Variants in SLIT3 observed in about 807,000 individuals in gnomAD.
SLIT3 encodes the protein slit guidance ligand 3.
A neutral mutation model predicts 184.0 loss-of-function variants in SLIT3; 68 were observed. The observed-to-expected ratio is 0.37, with a 90% CI of 0.30 to 0.45. The LOEUF (loss-of-function observed/expected upper bound fraction) is 0.45. Ranked by LOEUF, SLIT3 falls within the 20% of genes least tolerant of loss-of-function variation. The pLI, the probability that SLIT3 is intolerant of heterozygous loss-of-function variation, is 1.00. For synonymous variants in SLIT3, 831 were observed against 828.6 expected, an observed-to-expected ratio of 1.00 and a Z score of -0.05; for missense variants, 1,707 against 2,026.0, an observed-to-expected ratio of 0.84 and a Z score of 3.02.
intron 9 of SLIT3, among the ~76,000 whole-genome samples, chr5:168,801,719 A>C (rs1420123475): frequency 1.3e-5 from 2 of 152,230 alleles, no homozygotes; most frequent in East Asian, 3.8e-4. Flanking sequence ...TGGAAGCCAG[A>C]GCTGGTTCAG....
At chr5:169,123,727 A>C (rs1052752794) in intron 4 of SLIT3, among the ~76,000 whole-genome samples, 2 of 152,206 alleles carry the variant, frequency 1.3e-5, no homozygotes, top group African/African-American at 2.4e-5. Context: ...TATGATCCTG[A>C]AGACAAGGCA....
At chr5:169,286,655 C>A (rs1239444031) in intron 1 of SLIT3, among the ~76,000 whole-genome samples, 1 of 152,178 alleles carries the variant, frequency 6.6e-6, no homozygotes, top group Non-Finnish European at 1.5e-5. Flanking sequence ...CCCAGGCAAG[C>A]ATTCTTTCCA....
chr5:168,689,420 G>A (rs1761843779), intron 29 of SLIT3, among the ~76,000 whole-genome samples: 1 of 152,236 alleles, frequency 6.6e-6, no homozygotes, highest in African/African-American at 2.4e-5. Flanking sequence ...GACATCTGGA[G>A]TCTCTGGATT....
intron 4 of SLIT3, among the ~76,000 whole-genome samples, chr5:169,099,215 T>C (rs1448756375): frequency 6.6e-6 from 1 of 152,096 alleles, no homozygotes; most frequent in Non-Finnish European, 1.5e-5. Flanking sequence ...AATATGCCTC[T>C]CAGGTTACGG....
chr5:168,801,645 C>T (rs879475496), intron 9 of SLIT3, among the ~76,000 whole-genome samples: 5 of 152,166 alleles, frequency 3.3e-5, no homozygotes, highest in Admixed American at 6.5e-5. Context: ...CTCATGAGGG[C>T]GTCTGAAGAC....
At chr5:169,021,947 C>T (rs1756616424) in intron 4 of SLIT3, among the ~76,000 whole-genome samples, 1 of 152,134 alleles carries the variant, frequency 6.6e-6, no homozygotes, top group South Asian at 2.1e-4. Flanking sequence ...AATGGAAGTA[C>T]ACATATAGAA....
intron 4 of SLIT3, among the ~76,000 whole-genome samples, chr5:169,115,408 C>G (rs879662404): frequency 6.6e-6 from 1 of 152,196 alleles, no homozygotes; most frequent in Non-Finnish European, 1.5e-5. Flanking sequence ...ATTTACCAAG[C>G]CTTTCTTTCC....
At chr5:168,737,568 C>T (rs1291198398) in intron 20 of SLIT3, among the ~76,000 whole-genome samples, 1 of 152,186 alleles carries the variant, frequency 6.6e-6, no homozygotes, top group East Asian at 1.9e-4. Flanking sequence ...GTGCCTGGAG[C>T]TATGTCATCC....
intron 3 of SLIT3, among the ~76,000 whole-genome samples, chr5:169,234,706 C>A (rs941014658): frequency 6.6e-6 from 1 of 152,142 alleles, no homozygotes; most frequent in Admixed American, 6.5e-5. Context: ...CCGCATCCAG[C>A]CTGAAGCTTG....
chr5:168,837,268 C>T (rs1758083257), intron 6 of SLIT3, among the ~76,000 whole-genome samples: 1 of 152,026 alleles, frequency 6.6e-6, no homozygotes, highest in Non-Finnish European at 1.5e-5. Context: ...TTCATTAAGC[C>T]ATGACAGTTC....
Position 169,115,866 on chromosome 5 carries a change from T to G in SLIT3, c.413+77613A>C, listed in dbSNP as rs186250985. On this transcript the variant is annotated intron_variant, in intron 4 of 35. Coordinates refer to ENST00000519560, the MANE Select transcript of SLIT3 (RefSeq NM_003062.4). ...CTTGAGCCGGTGCTCCTGACAGCCA[T>G]GGAAGGCCACCCCCACTTTGGACAA... Among the ~76,000 whole-genome samples the G allele has an allele frequency of 1.7e-3, 258 of 152,310 alleles. 1 individual carries two copies. Among genetic ancestry groups the G allele is most frequent in the Middle Eastern group, 0.014 (4 of 294 alleles).
At chr5:168,768,456 G>T (rs540811325) in intron 14 of SLIT3, among the ~76,000 whole-genome samples, 1 of 152,118 alleles carries the variant, frequency 6.6e-6, no homozygotes, top group Admixed American at 6.5e-5. Context: ...GGAGAAGAAC[G>T]GGAGGGAAAT....
chr5:168,812,691 G>C (rs1001165612), intron 8 of SLIT3, among the ~76,000 whole-genome samples: 1 of 152,116 alleles, frequency 6.6e-6, no homozygotes, highest in Non-Finnish European at 1.5e-5. Context: ...AATGGGACTC[G>C]AGCAATTATG....
chr5:168,854,159 T>C (rs1758773760), intron 5 of SLIT3, among the ~76,000 whole-genome samples: 2 of 152,182 alleles, frequency 1.3e-5, no homozygotes, highest in Non-Finnish European at 2.9e-5. Context: ...CCCATCAGGC[T>C]ATTCCACCTT....
intron 4 of SLIT3, among the ~76,000 whole-genome samples, chr5:169,105,438 CA>C (rs1186364073): frequency 6.6e-6 from 1 of 152,208 alleles, no homozygotes; most frequent in Non-Finnish European, 1.5e-5. Flanking sequence ...AAGCAGTTTT[CA>C]GGCAAAGAAA....
At chr5:169,079,539 A>T (rs1474852924) in intron 4 of SLIT3, among the ~76,000 whole-genome samples, 1 of 78,432 alleles carries the variant, frequency 1.3e-5, no homozygotes, top group East Asian at 4.3e-4. Context: ...AAGGAGGAGG[A>T]GGAAGAAGGA....
intron 4 of SLIT3, among the ~76,000 whole-genome samples, chr5:168,949,896 T>C (rs1366915377): frequency 6.6e-6 from 1 of 152,212 alleles, no homozygotes; most frequent in Non-Finnish European, 1.5e-5. Context: ...CTGGCCAAGA[T>C]GAATCTTTTC....
intron 4 of SLIT3, among the ~76,000 whole-genome samples, chr5:169,160,528 G>A (rs1291248650): frequency 2.0e-5 from 3 of 152,214 alleles, no homozygotes; most frequent in Admixed American, 2.0e-4. Context: ...TTTCTAAAGA[G>A]TTAGCCAAGA....
chr5:169,173,881 G>A (rs1157486495), intron 4 of SLIT3, among the ~76,000 whole-genome samples: 1 of 152,096 alleles, frequency 6.6e-6, no homozygotes, highest in East Asian at 1.9e-4. Flanking sequence ...CCTTTCTTTA[G>A]TCACCAAAGG....
Sources: gnomAD v4.1 joint callset for allele counts (sites outside exome capture counted in the v4.1 genomes callset) on GRCh38, gnomAD v4.1.1 for gene constraint, MANE v1.5 for transcripts, NCBI Gene and HGNC (gene_info 2026-07-23, HGNC 2026-07-21) for gene names.